Variants in TMEM71 observed in about 807,000 individuals in gnomAD.
TMEM71 encodes transmembrane protein 71.
Under a neutral mutation model 38.0 loss-of-function variants are expected in TMEM71, and 44 were observed. The ratio of observed to expected loss-of-function variants is 1.16; its 90% CI spans 0.91 to 1.49. The LOEUF is 1.49. Among genes scored for constraint, TMEM71 ranks in the 40% most tolerant of loss-of-function variants. TMEM71 has a pLI of 0.00. For missense variants in TMEM71, 367 were observed against 348.6 expected (o/e 1.05, Z -0.42); for synonymous variants, 133 against 122.5 (o/e 1.09, Z -0.56).
At chr8:132,709,315 C>A (rs1419647851), downstream of TMEM71, among the ~76,000 whole-genome samples, 1 of 152,172 alleles carries the variant, frequency 6.6e-6, no homozygotes, top group African/African-American at 2.4e-5. Flanking sequence ...GATCACTTAA[C>A]CTACTTGTAA....
At chr8:132,769,461 A>G in the TMEM71 span, among the ~76,000 whole-genome samples, 1 of 152,230 alleles carries the variant, frequency 6.6e-6, no homozygotes, top group African/African-American at 2.4e-5. Flanking sequence ...TTAGGTAAGA[A>G]TTCAAAAAGA....
intron 5 of TMEM71, among the ~76,000 whole-genome samples, chr8:132,744,653 T>C (rs1828234232): frequency 2.0e-5 from 3 of 152,176 alleles, no homozygotes; most frequent in African/African-American, 7.2e-5. Flanking sequence ...ACTATCAATA[T>C]TATTTTTCAC....
intron 3 of TMEM71, 139 bp downstream of exon 3, chr8:132,757,095 A>T (rs1829063882): frequency 2.5e-6 from 1 of 403,648 alleles, no homozygotes; most frequent in Admixed American, 4.0e-5. Flanking sequence ...ACGGGGTTTC[A>T]CCGTGTTAGC....
In TMEM71 at chr8:132,747,068, A is replaced by G; in HGVS notation, c.361T>C (p.Phe121Leu). Reference sequence around the variant, plus strand: ...CAAGATTTGGAGGTACTGAGGTTGAAGAGAGAAGAAAAGGAATGGCAGATT... The same window carrying G: ...CAAGATTTGGAGGTACTGAGGTTGAGGAGAGAAGAAAAGGAATGGCAGATT... Reference protein sequence around the residue: ...KRICHSFSSLFNLSTSKSWLH... With the variant: ...KRICHSFSSLLNLSTSKSWLH... The change falls in exon 5 of 10, where the codon TTC becomes CTC. Residue 121 changes from phenylalanine to leucine, a missense_variant. Physicochemically the swap from Phe to Leu is conservative, Grantham distance 22. Coordinates refer to ENST00000677595, the MANE Select transcript of TMEM71 (RefSeq NM_001382403.1). 1 of 1,612,966 alleles carries G rather than the reference A, an allele frequency of 6.2e-7. No homozygotes were observed. The highest frequency in any genetic ancestry group is 8.5e-7 in the Non-Finnish European group (1 of 1,179,690).
At chr8:132,765,740 T>C in the TMEM71 span, among the ~76,000 whole-genome samples, 1 of 151,916 alleles carries the variant, frequency 6.6e-6, no homozygotes, top group African/African-American at 2.4e-5. Flanking sequence ...TCTGCTTCTC[T>C]ACTTGAATCT....
intron 7 of TMEM71, among the ~76,000 whole-genome samples, chr8:132,715,943 G>A (rs1179140567): frequency 6.6e-6 from 1 of 152,200 alleles, no homozygotes. Context: ...AGTCCCATAA[G>A]CGATGGCAGC....
upstream of TMEM71, among the ~76,000 whole-genome samples, chr8:132,760,979 T>A (rs1829282311): frequency 6.6e-6 from 1 of 152,248 alleles, no homozygotes; most frequent in South Asian, 2.1e-4. Flanking sequence ...ACTGATGCTA[T>A]TAAATTCAGA....
chr8:132,768,210 C>G, the TMEM71 span, among the ~76,000 whole-genome samples: 1 of 152,148 alleles, frequency 6.6e-6, no homozygotes, highest in East Asian at 1.9e-4. Flanking sequence ...CTTTGTCCTG[C>G]TTTTTAGAAT....
chr8:132,721,825 C>T (rs1286801450), intron 7 of TMEM71, among the ~76,000 whole-genome samples: 1 of 152,030 alleles, frequency 6.6e-6, no homozygotes, highest in African/African-American at 2.4e-5. Flanking sequence ...CATGAGCCAC[C>T]GTGCCTGGCC....
intron 5 of TMEM71, among the ~76,000 whole-genome samples, chr8:132,743,041 C>A (rs1028155538): frequency 6.6e-6 from 1 of 152,080 alleles, no homozygotes; most frequent in South Asian, 2.1e-4. Context: ...ACAGGAAAGA[C>A]CTGCCCCCAT....
At chr8:132,770,700 C>T in the TMEM71 span, among the ~76,000 whole-genome samples, 269 of 152,262 alleles carry the variant, frequency 1.8e-3, 3 homozygotes, top group African/African-American at 6.1e-3. Context: ...TGAAAAATTC[C>T]CTTTTTGCTT....
At chr8:132,729,006 A>G (rs527365138) in intron 5 of TMEM71, among the ~76,000 whole-genome samples, 2 of 152,278 alleles carry the variant, frequency 1.3e-5, no homozygotes, top group East Asian at 3.9e-4. Context: ...ACATGCACCC[A>G]TTTTCTCCTA....
chr8:132,751,803 T>C lies in TMEM71; in HGVS notation c.296A>G (p.Tyr99Cys), dbSNP rs572782442. 5.9e-5 allele frequency: 95 copies of C among 1,613,616 alleles called. 1 individual carries two copies. In the South Asian group the frequency reaches 1.0e-3, roughly 18 times the overall value. ...TGCTTACCTAACTAAGTTCTCCTTA[T>C]ACATAACGCTGGTCTGGGATGGGTT... ...TLNPSQTSVM[Y>C]KENLVRIFRK... The change falls in exon 4 of 10, where the codon TAT (tyrosine) becomes TGT (cysteine). Residue 99 changes from tyrosine (Y) to cysteine (C), a missense_variant. Transcript: ENST00000677595.
At chr8:132,748,029 G>A (rs945308519) in intron 4 of TMEM71, among the ~76,000 whole-genome samples, 6 of 152,180 alleles carry the variant, frequency 3.9e-5, no homozygotes, top group East Asian at 1.9e-4. Flanking sequence ...TCACTGTTGC[G>A]TATCTGCCTG....
upstream of TMEM71, among the ~76,000 whole-genome samples, chr8:132,764,983 A>T (rs1174191930): frequency 6.6e-6 from 1 of 152,196 alleles, no homozygotes; most frequent in Non-Finnish European, 1.5e-5. Flanking sequence ...CCAGAAGGAG[A>T]TATATGGGCC....
chr8:132,721,744 C>T (rs377684648), intron 7 of TMEM71, among the ~76,000 whole-genome samples: 4 of 152,000 alleles, frequency 2.6e-5, no homozygotes, highest in African/African-American at 9.7e-5. Context: ...CCATGTTGGT[C>T]AGGCTGGTCT....
chr8:132,763,626 C>T (rs1480794175), upstream of TMEM71, among the ~76,000 whole-genome samples: 1 of 152,158 alleles, frequency 6.6e-6, no homozygotes, highest in Non-Finnish European at 1.5e-5. Context: ...GGACTTGCTA[C>T]TATACACAGG....
At chr8:132,734,917 T>C (rs1827662844) in intron 5 of TMEM71, among the ~76,000 whole-genome samples, 1 of 152,218 alleles carries the variant, frequency 6.6e-6, no homozygotes, top group Non-Finnish European at 1.5e-5. Flanking sequence ...TATCCTTTTA[T>C]ATAAAAATGG....
chr8:132,729,655 G>A (rs559644584), intron 5 of TMEM71, among the ~76,000 whole-genome samples: 47 of 152,278 alleles, frequency 3.1e-4, no homozygotes, highest in Non-Finnish European at 6.0e-4. Context: ...CTAAGCATAC[G>A]CTGTGGACAA....
Sources: gnomAD v4.1 joint callset for allele counts (sites outside exome capture counted in the v4.1 genomes callset) on GRCh38, gnomAD v4.1.1 for gene constraint, MANE v1.5 for transcripts, NCBI Gene and HGNC (gene_info 2026-07-23, HGNC 2026-07-21) for gene names.